The following ZNF423 variants were observed in gnomAD, a reference collection of about 807,000 sequenced individuals.
ZNF423 encodes zinc finger protein 423.
ZNF423 carries 12 observed loss-of-function variants against 95.8 expected under a neutral mutation model. That is an observed-to-expected ratio of 0.13 (90% confidence interval 0.08 to 0.20). The LOEUF is 0.20. ZNF423 is among the 10% of genes least tolerant of loss of function. The probability of loss-of-function intolerance (pLI) is 1.00; values close to 1 mark genes in which losing one functional copy is unlikely to be tolerated. For missense variants in ZNF423, 1,316 were observed against 1,737.1 expected (o/e 0.76, Z 4.31); for synonymous variants, 749 against 711.9 (o/e 1.05, Z -0.83).
intron 3 of ZNF423, among the ~76,000 whole-genome samples, chr16:49,718,186 C>G (rs1285794006): frequency 6.6e-6 from 1 of 152,130 alleles, no homozygotes; most frequent in Non-Finnish European, 1.5e-5. Context: ...TTTGGGAGGC[C>G]AAGGTGGGAG....
intron 5 of ZNF423, among the ~76,000 whole-genome samples, chr16:49,541,688 G>A (rs757279709): frequency 2.0e-5 from 3 of 152,122 alleles, no homozygotes; most frequent in South Asian, 4.1e-4. Flanking sequence ...TGTCAAGGGC[G>A]GGACCAGGTG....
chr16:49,527,389 G>T (rs1028222574), intron 5 of ZNF423, among the ~76,000 whole-genome samples: 3 of 152,188 alleles, frequency 2.0e-5, no homozygotes, highest in African/African-American at 7.2e-5. Flanking sequence ...CCCCACGCAC[G>T]TCCTCCACCT....
intron 5 of ZNF423, among the ~76,000 whole-genome samples, chr16:49,535,862 C>T (rs954665966): frequency 6.6e-6 from 1 of 152,186 alleles, no homozygotes; most frequent in African/African-American, 2.4e-5. Flanking sequence ...TTCAACAAGA[C>T]GATTGCCTAA....
Position 49,636,520 on chromosome 16 carries a change from C to T in ZNF423, c.2656G>A (p.Asp886Asn). Reference protein sequence around the residue: ...APNSHEASEDDVDASEPMYGC... With the variant: ...APNSHEASEDNVDASEPMYGC... The stretch of plus-strand genomic sequence containing the variant: ...TACATGGGCTCCGACGCGTCCACGT[C>T]ATCCTCGCTGGCCTCATGGCTGTTA... Residue 886 changes from aspartate to asparagine, a missense_variant, in exon 4 of 8, where the codon GAC (aspartate) becomes AAC (asparagine). Transcript: ENST00000563137. This position sits in a 1 kb window ranked among gnomAD's most constrained non-coding sequence, Gnocchi z 8.6. 1 of 1,613,886 alleles carries T rather than the reference C, an allele frequency of 6.2e-7. No individual in the cohort carries two copies.
intron 3 of ZNF423, among the ~76,000 whole-genome samples, chr16:49,702,895 GC>G (rs2151956888): frequency 6.9e-6 from 1 of 143,902 alleles, no homozygotes; most frequent in African/African-American, 2.6e-5. Context: ...AAGCCAACCT[GC>G]CTGTGTGCAC....
intron 1 of ZNF423, among the ~76,000 whole-genome samples, chr16:49,796,834 C>T (rs1234830066): frequency 6.6e-6 from 1 of 152,166 alleles, no homozygotes; most frequent in Non-Finnish European, 1.5e-5. Context: ...GGGCACTGTT[C>T]TGGGGAAAGG....
At chr16:49,501,233 T>G (rs972590703) in intron 7 of ZNF423, among the ~76,000 whole-genome samples, 1 of 152,132 alleles carries the variant, frequency 6.6e-6, no homozygotes, top group Admixed American at 6.6e-5. Flanking sequence ...TGCAAAGCAG[T>G]AAGACCCAGT....
At chr16:49,809,541 C>T (rs542783793) in intron 1 of ZNF423, among the ~76,000 whole-genome samples, 7 of 152,292 alleles carry the variant, frequency 4.6e-5, no homozygotes, top group African/African-American at 1.7e-4. Context: ...TCCTGGAACC[C>T]CCAAGAAGGC....
rs1400829295 is a variant in ZNF423, at chr16:49,635,137, G to A, written c.3516+523C>T. Among the ~76,000 whole-genome samples, 1 of 152,212 alleles carries A rather than the reference G, an allele frequency of 6.6e-6. No individual in the cohort carries two copies. Among genetic ancestry groups the A allele is most frequent in the Non-Finnish European group, 1.5e-5 (1 of 68,042 alleles). On this transcript the variant is annotated intron_variant, in intron 4 of 7. Coordinates refer to ENST00000563137, the MANE Select transcript of ZNF423 (RefSeq NM_001379286.1). The surrounding 1 kb of genome is among the most constrained non-coding windows in gnomAD (Gnocchi z 4.8). ...GCTGGTGATGACAGCCAGCACCACTGAGCCATGAGTGCTGGGCTCTCGGCC... is the reference window on the plus strand; with the variant it reads ...GCTGGTGATGACAGCCAGCACCACTAAGCCATGAGTGCTGGGCTCTCGGCC...
intron 3 of ZNF423, among the ~76,000 whole-genome samples, chr16:49,659,999 C>T (rs770624125): frequency 5.9e-5 from 9 of 152,240 alleles, no homozygotes; most frequent in Non-Finnish European, 1.2e-4. Context: ...GGGAGCTGCA[C>T]CTTCCTTCCT....
At chr16:49,567,315 C>A (rs1316767021) in intron 5 of ZNF423, among the ~76,000 whole-genome samples, 3 of 152,198 alleles carry the variant, frequency 2.0e-5, no homozygotes, top group African/African-American at 7.2e-5. Flanking sequence ...CCCAAGCCAA[C>A]CTCTCTCCCT....
rs1276458596 is a variant in ZNF423 at position 49,635,557 on chromosome 16, G to A, written c.3516+103C>T. 14 of 1,441,246 alleles carry A rather than the reference G, an allele frequency of 9.7e-6. No individual in the cohort carries two copies. Among genetic ancestry groups the A allele is most frequent in the East Asian group, 4.8e-5 (2 of 41,636 alleles). The allele number at this position is 1,441,246 out of a possible 1,614,324, so 89.3% of individuals were successfully genotyped here. A position where few individuals can be genotyped will look rare whatever the true frequency, so the allele number is the denominator to read the frequency against. Reference sequence around the variant, plus strand: ...TTCTGTTTTGCCACTGCGCGATAGCGCCGCTTCTTGGAAACACGGCACTCA... The same window carrying A: ...TTCTGTTTTGCCACTGCGCGATAGCACCGCTTCTTGGAAACACGGCACTCA... On this transcript the variant is annotated intron_variant, in intron 4 of 7. Transcript: ENST00000563137. This position sits in a 1 kb window ranked among gnomAD's most constrained non-coding sequence, Gnocchi z 4.8.
In ZNF423 at chr16:49,756,167, C is replaced by A. The variant is rs73575522; in HGVS notation, c.101-25196G>T. 2.9e-3 allele frequency among the ~76,000 whole-genome samples: 445 copies of A among 152,206 alleles called. 1 individual carries two copies. Among genetic ancestry groups the A allele is most frequent in the African/African-American group, 0.01 (428 of 41,532 alleles). ...AGAGATGACTGGAAGGTTTCAGAGA[C>A]AAGGGTTTTCAAAACGGACTTGCTG... On this transcript the variant is annotated intron_variant, in intron 2 of 7. Transcript: ENST00000563137.
intron 7 of ZNF423, among the ~76,000 whole-genome samples, chr16:49,516,146 CCT>C (rs570835176): frequency 7.2e-5 from 11 of 152,322 alleles, no homozygotes; most frequent in South Asian, 2.1e-4. Context: ...AAGCCCCGGC[CCT>C]CTGGCCTCCA....
intron 2 of ZNF423, among the ~76,000 whole-genome samples, chr16:49,733,207 C>T (rs1032527994): frequency 1.0e-4 from 12 of 115,692 alleles, no homozygotes; most frequent in South Asian, 2.7e-4. Context: ...TACAGTCTTT[C>T]CTTAATAAAA....
At chr16:49,561,200 C>A (rs368411902) in intron 5 of ZNF423, among the ~76,000 whole-genome samples, 1 of 152,088 alleles carries the variant, frequency 6.6e-6, no homozygotes, top group Non-Finnish European at 1.5e-5. Context: ...CCAGATTCAG[C>A]GAAATGATAT....
At chr16:49,643,507 C>T (rs146973401) in intron 3 of ZNF423, among the ~76,000 whole-genome samples, 5 of 150,226 alleles carry the variant, frequency 3.3e-5, no homozygotes, top group Admixed American at 6.6e-5. Context: ...GTGAACCCCC[C>T]CTTAGTCCTG....
At chr16:49,609,814 G>A (rs1194924263) in intron 5 of ZNF423, among the ~76,000 whole-genome samples, 2 of 152,010 alleles carry the variant, frequency 1.3e-5, no homozygotes, top group African/African-American at 2.4e-5. Context: ...GGCAAGAGAT[G>A]TAGATGTATT....
intron 3 of ZNF423, among the ~76,000 whole-genome samples, chr16:49,723,446 T>C (rs574993148): frequency 6.6e-6 from 1 of 152,186 alleles, no homozygotes; most frequent in Non-Finnish European, 1.5e-5. Context: ...TATTGGCTAT[T>C]TTCTTAGCAT....
Sources: allele counts gnomAD v4.1 joint callset (sites outside exome capture counted in the v4.1 genomes callset), GRCh38; gene constraint gnomAD v4.1.1; non-coding constraint Gnocchi (gnomAD v3.1); transcripts MANE v1.5; gene names NCBI Gene and HGNC (gene_info 2026-07-23, HGNC 2026-07-21).